The following EPHA6 variants were observed in gnomAD, a reference collection of about 807,000 sequenced individuals.
The protein encoded by EPHA6 is ephrin type-A receptor 6.
In EPHA6, 50 loss-of-function variants were observed where a neutral mutation model predicts 112.0. The ratio of observed to expected loss-of-function variants is 0.45; its 90% CI spans 0.36 to 0.56. EPHA6 has a LOEUF of 0.56. EPHA6 is among the 20% of genes least tolerant of loss of function. The pLI, the probability that EPHA6 is intolerant of heterozygous loss-of-function variation, is 0.00. For synonymous variants in EPHA6, 529 were observed against 490.7 expected (o/e 1.08, Z -1.03); for missense variants, 1,280 against 1,417.4 (o/e 0.90, Z 1.56).
chr3:96,920,228 C>A (rs969603997), intron 2 of EPHA6, among the ~76,000 whole-genome samples: 24 of 151,644 alleles, frequency 1.6e-4, no homozygotes, highest in African/African-American at 5.8e-4. Context: ...CTTCCTACAG[C>A]CAAAGATGAT....
intron 1 of EPHA6, among the ~76,000 whole-genome samples, chr3:96,832,168 C>T (rs1218896904): frequency 6.6e-6 from 1 of 152,012 alleles, no homozygotes; most frequent in Admixed American, 6.6e-5. Flanking sequence ...CACTTCACTG[C>T]TCATGTAATT....
intron 2 of EPHA6, among the ~76,000 whole-genome samples, chr3:96,964,443 G>C (rs1179289812): frequency 1.3e-5 from 2 of 152,082 alleles, no homozygotes; most frequent in Non-Finnish European, 2.9e-5. Context: ...ACTTTAATTT[G>C]TATGTATTAT....
intron 6 of EPHA6, among the ~76,000 whole-genome samples, chr3:97,413,578 A>G (rs2087887974): frequency 6.6e-6 from 1 of 152,070 alleles, no homozygotes; most frequent in Admixed American, 6.6e-5. Flanking sequence ...AAGCCTTTGA[A>G]AAGTGAGTGC....
At chr3:97,224,837 A>G (rs760517216) in intron 3 of EPHA6, among the ~76,000 whole-genome samples, 2 of 152,138 alleles carry the variant, frequency 1.3e-5, no homozygotes, top group Non-Finnish European at 2.9e-5. Flanking sequence ...TTCTCTATAA[A>G]TTGACTAGTA....
At chr3:97,407,490 T>TTGTG (rs371201863) in intron 6 of EPHA6, among the ~76,000 whole-genome samples, 1 of 149,218 alleles carries the variant, frequency 6.7e-6, no homozygotes, top group Non-Finnish European at 1.5e-5. Context: ...CTGAGTGTGT[T>TTGTG]TGTGTGTGTG....
chr3:97,004,884 G>A (rs946726482), intron 3 of EPHA6, among the ~76,000 whole-genome samples: 4 of 152,072 alleles, frequency 2.6e-5, no homozygotes, highest in Admixed American at 1.3e-4. Context: ...TTTCCCCATT[G>A]CTTGTTTTTG....
At chr3:97,318,261 A>G (rs948383500) in intron 5 of EPHA6, among the ~76,000 whole-genome samples, 1 of 152,042 alleles carries the variant, frequency 6.6e-6, no homozygotes, top group Non-Finnish European at 1.5e-5. Flanking sequence ...TAAAAAACCT[A>G]ACCAGAAATC....
chr3:97,314,199 T>C (rs2081699574), intron 5 of EPHA6, among the ~76,000 whole-genome samples: 1 of 151,756 alleles, frequency 6.6e-6, no homozygotes, highest in Non-Finnish European at 1.5e-5. Flanking sequence ...ACATGGTGTT[T>C]ATTTCTGGGC....
intron 2 of EPHA6, among the ~76,000 whole-genome samples, chr3:96,902,869 G>T (rs2038694874): frequency 6.6e-6 from 1 of 152,110 alleles, no homozygotes; most frequent in African/African-American, 2.4e-5. Flanking sequence ...CATATATTGA[G>T]TATTTACAGT....
chr3:96,950,254 T>C (rs2107716869), intron 2 of EPHA6, among the ~76,000 whole-genome samples: 1 of 152,260 alleles, frequency 6.6e-6, no homozygotes, highest in Non-Finnish European at 1.5e-5. Context: ...TTAGAGGTTC[T>C]CTCATTCTCT....
chr3:96,905,184 T>C (rs2038864957), intron 2 of EPHA6, among the ~76,000 whole-genome samples: 1 of 152,106 alleles, frequency 6.6e-6, no homozygotes, highest in African/African-American at 2.4e-5. Flanking sequence ...GTGAATATAC[T>C]TATGCTACTG....
chr3:97,138,626 C>T (rs2075820817), intron 3 of EPHA6, among the ~76,000 whole-genome samples: 1 of 152,182 alleles, frequency 6.6e-6, no homozygotes, highest in African/African-American at 2.4e-5. Context: ...AGTCTGTGGG[C>T]CTGGCCCCAG....
chr3:97,271,793 G>A (rs976377080), intron 5 of EPHA6, among the ~76,000 whole-genome samples: 3 of 151,998 alleles, frequency 2.0e-5, no homozygotes, highest in African/African-American at 7.2e-5. Context: ...GTCAAAAATG[G>A]CCACTTCCTT....
At chr3:96,922,929 TTG>T (rs2039847489) in intron 2 of EPHA6, among the ~76,000 whole-genome samples, 3 of 152,196 alleles carry the variant, frequency 2.0e-5, no homozygotes, top group African/African-American at 7.2e-5. Flanking sequence ...GTGTGTTAGT[TTG>T]CTTCCAATTC....
Position 97,561,762 on chromosome 3 carries a change from TC to T in EPHA6, c.2386+29220del, listed in dbSNP as rs1234711396. The stretch of plus-strand genomic sequence containing the variant: ...TTGGAAGAAGATTCTTCTAGAAATT[TC>T]ATAAGTAGAGAGAAGTTAGTGTCTG... On this transcript the variant is annotated intron_variant, in intron 11 of 17. Transcript: ENST00000389672. 4.6e-5 allele frequency among the ~76,000 whole-genome samples: 7 copies of T among 152,246 alleles called. No homozygotes were observed. In the East Asian group the frequency reaches 1.4e-3, roughly 29 times the overall value.
intron 2 of EPHA6, among the ~76,000 whole-genome samples, chr3:96,972,207 A>G (rs1162693457): frequency 1.3e-5 from 2 of 152,030 alleles, no homozygotes; most frequent in African/African-American, 4.8e-5. Context: ...TATATTTACT[A>G]TAAATACATT....
At chr3:97,141,529 G>A (rs777269161) in intron 3 of EPHA6, among the ~76,000 whole-genome samples, 14 of 151,918 alleles carry the variant, frequency 9.2e-5, no homozygotes, top group Non-Finnish European at 1.5e-4. Flanking sequence ...CAGTGCACGA[G>A]GAGAACACTC....
chr3:96,816,119 A>C (rs1017965249), intron 1 of EPHA6, among the ~76,000 whole-genome samples: 11 of 152,206 alleles, frequency 7.2e-5, no homozygotes, highest in African/African-American at 2.7e-4. Flanking sequence ...GGGAGAAGAT[A>C]AACAACACAG....
chr3:97,068,004 G>C (rs1435858236), intron 3 of EPHA6, among the ~76,000 whole-genome samples: 2 of 151,602 alleles, frequency 1.3e-5, no homozygotes, highest in Non-Finnish European at 2.9e-5. Flanking sequence ...AATTAGCTGG[G>C]CACCATGGCA....
Sources: allele counts gnomAD v4.1 joint callset (sites outside exome capture counted in the v4.1 genomes callset), GRCh38; gene constraint gnomAD v4.1.1; transcripts MANE v1.5; gene names NCBI Gene and HGNC (gene_info 2026-07-23, HGNC 2026-07-21).